NEK8: variants seen among roughly 807,000 people sequenced by gnomAD.
NEK8 encodes NIMA related kinase 8.
In NEK8, 51 loss-of-function variants were observed where a neutral mutation model predicts 77.2. The ratio of observed to expected loss-of-function variants is 0.66; its 90% CI spans 0.53 to 0.83. The LOEUF (loss-of-function observed/expected upper bound fraction) is 0.83, where lower values mean the gene tolerates loss of function less well. NEK8 is among the 40% of genes least tolerant of loss of function. NEK8 has a pLI of 0.00. For missense variants in NEK8, 787 were observed against 909.2 expected (o/e 0.87, Z 1.73); for synonymous variants, 365 against 363.2 (o/e 1.00, Z -0.06).
rs762225317 is a variant in NEK8 at position 28,738,021 on chromosome 17, C to G, written c.1071+21C>G. The G allele has an allele frequency of 1.2e-6, 2 of 1,612,572 alleles. No individual in the cohort carries two copies. The highest frequency in any genetic ancestry group is 1.7e-6 in the Non-Finnish European group (2 of 1,179,686). On this transcript the variant is annotated intron_variant, in intron 7 of 14. Transcript: ENST00000268766. ...GGGAGGTGAGCAGGCCAGGGGGTGG[C>G]CTGGATGGGTGGAGGTGGAGGTCCA...
At chr17:28,736,129 T>C (rs187676399) in intron 4 of NEK8, among the ~76,000 whole-genome samples, 21 of 152,344 alleles carry the variant, frequency 1.4e-4, no homozygotes, top group African/African-American at 5.1e-4. Flanking sequence ...GGCTGCATAG[T>C]TTTCCATGGT....
chr17:28,734,093 A>G lies in NEK8; in HGVS notation c.158A>G (p.Gln53Arg). 6.2e-7 allele frequency: 1 copy of G among 1,614,054 alleles called. No homozygotes were observed. Among genetic ancestry groups the G allele is most frequent in the East Asian group, 2.2e-5 (1 of 44,872 alleles). Reference sequence around the variant, plus strand: ...CGGCAGGCAGCCCAGAATGAGTGCCAGGTCCTCAAGCTGCTCAACCACCCC... The same window carrying G: ...CGGCAGGCAGCCCAGAATGAGTGCCGGGTCCTCAAGCTGCTCAACCACCCC... ...EERQAAQNEC[Q>R]VLKLLNHPNV... Residue 53 changes from glutamine (Q) to arginine (R), a missense_variant, in exon 2 of 15, where the codon CAG (glutamine) becomes CGG (arginine). Gln to Arg is a conservative substitution (Grantham distance 43, BLOSUM62 1). Around this residue, in one of 2 missense-constraint regions of NEK8, gnomAD observed 271 missense variants for 365.1 expected, o/e 0.74. Transcript: ENST00000268766.
intron 3 of NEK8, 67 bp from the exon 4 acceptor site, chr17:28,735,173 G>A: frequency 6.2e-7 from 1 of 1,604,260 alleles, no homozygotes; most frequent in East Asian, 2.2e-5. Context: ...GTCCCCAAAT[G>A]GGCTTATGCA....
intron 4 of NEK8, among the ~76,000 whole-genome samples, chr17:28,735,955 T>A (rs1160919578): frequency 8.3e-6 from 1 of 120,712 alleles, no homozygotes; most frequent in Non-Finnish European, 1.6e-5. Context: ...GGCCCCGGTG[T>A]GTGATGTTCC....
chr17:28,738,314 C>T, intron 8 of NEK8, 69 bp downstream of exon 8: 1 of 1,548,072 alleles, frequency 6.5e-7, no homozygotes, highest in Non-Finnish European at 8.9e-7. Flanking sequence ...TCTTCTCTTG[C>T]AAAACACGCA....
chr17:28,729,140 G>T (rs1302801212), intron 1 of NEK8, among the ~76,000 whole-genome samples: 1 of 152,264 alleles, frequency 6.6e-6, no homozygotes. Context: ...GGCTTTGGCC[G>T]CTGGGTATAT....
intron 1 of NEK8, among the ~76,000 whole-genome samples, chr17:28,731,987 G>A (rs937773464): frequency 1.6e-5 from 2 of 126,466 alleles, no homozygotes; most frequent in Admixed American, 9.6e-5. Flanking sequence ...CTGGACTGCA[G>A]TGGCGCAATC....
chr17:28,740,954 C>T lies in NEK8; in HGVS notation c.1701C>T (p.Asp567=), dbSNP rs775047776. 3.5e-5 allele frequency: 57 copies of T among 1,614,016 alleles called. No homozygotes were observed. Among genetic ancestry groups the T allele is most frequent in the Non-Finnish European group, 3.1e-5 (37 of 1,180,026 alleles). ...ACCAGGAGCCTCTGCTGAGTATAGA[C>T]CTGGGCACTGCTCACTCAGCTGCTG... is the stretch of plus-strand genomic sequence containing the variant. ...PLDQEPLLSI[D]LGTAHSAAVT... The change falls in exon 12 of 15, where the codon GAC becomes GAT. Residue 567 remains aspartate (D), a synonymous_variant. Transcript: ENST00000268766. The surrounding 1 kb of genome is among the most constrained non-coding windows in gnomAD (Gnocchi z 4.7).
Position 28,742,052 on chromosome 17 carries a change from A to G in NEK8, c.*65A>G. 6.8e-7 allele frequency: 1 copy of G among 1,476,298 alleles called. No homozygotes were observed. The highest frequency in any genetic ancestry group is 1.1e-5 in the South Asian group (1 of 88,454). The allele number at this position is 1,476,298 out of a possible 1,614,324, so 91.4% of individuals were successfully genotyped here. A position where few individuals can be genotyped will look rare whatever the true frequency, so the allele number is the denominator to read the frequency against. ...CTCCTCTGAATGCTCTGAAAAGTGC[A>G]GGTGCCCAAGGCATGACTTGCAGCT... On this transcript the variant is annotated 3_prime_UTR_variant, in exon 15 of 15. Coordinates refer to ENST00000268766, the MANE Select transcript of NEK8 (RefSeq NM_178170.3).
At chr17:28,735,517 C>T (rs2034355812) in intron 4 of NEK8, 146 bp downstream of exon 4, 1 of 898,302 alleles carries the variant, frequency 1.1e-6, no homozygotes, top group Non-Finnish European at 1.7e-6. Flanking sequence ...ATGGGTGTCC[C>T]TCAGACTATG....
At chr17:28,739,020 G>T (rs1217002123) in intron 9 of NEK8, 64 bp from the exon 10 acceptor site, 1 of 1,170,382 alleles carries the variant, frequency 8.5e-7, no homozygotes, top group Non-Finnish European at 1.3e-6. Flanking sequence ...CCCTACAGGG[G>T]GTGTTGAAGC....
At chr17:28,736,043 T>C (rs1188537704) in intron 4 of NEK8, among the ~76,000 whole-genome samples, 2 of 151,774 alleles carry the variant, frequency 1.3e-5, no homozygotes, top group Non-Finnish European at 2.9e-5. Context: ...TTTTTGTCCT[T>C]GCGATAGTTT....
Position 28,734,911 on chromosome 17 carries a change from C to T in NEK8, c.393C>T (p.Thr131=). 6.2e-7 allele frequency: 1 copy of T among 1,613,838 alleles called. No individual in the cohort carries two copies. The highest frequency in any genetic ancestry group is 8.5e-7 in the Non-Finnish European group (1 of 1,180,010). ...THLILHRDLK[T]QNILLDKHRM... ...TCATCCTGCACCGAGACCTCAAGAC[C>T]CAGAACATCCTGCTTGACAAACACC... The change falls in exon 3 of 15, where the codon ACC becomes ACT. Residue 131 remains threonine, a synonymous_variant. Coordinates refer to ENST00000268766, the MANE Select transcript of NEK8 (RefSeq NM_178170.3).
At position 28,740,403 on chromosome 17, in the gene NEK8, T is replaced by C; in HGVS notation, c.1418-60T>C. ...GTTCCCTCCCCTCAGTGGGCCCTCC[T>C]CATTCGGGCATCACCCCCACTAAAG... On this transcript the variant is annotated intron_variant, in intron 10 of 14. Transcript: ENST00000268766. This position sits in a 1 kb window ranked among gnomAD's most constrained non-coding sequence, Gnocchi z 4.7. The C allele has an allele frequency of 6.7e-7, 1 of 1,501,958 alleles. No homozygotes were observed. The allele number at this position is 1,501,958 out of a possible 1,614,324, so 93.0% of individuals were successfully genotyped here.
chr17:28,738,826 G>A (rs1164162170), intron 9 of NEK8, 79 bp downstream of exon 9: 1 of 1,187,826 alleles, frequency 8.4e-7, no homozygotes, highest in African/African-American at 1.5e-5. Flanking sequence ...CACCAGATTG[G>A]GGGCAGGGGA....
rs908793717 is a variant in NEK8, at chr17:28,737,586, G to C, written c.827+72G>C. 2.6e-5 allele frequency: 42 copies of C among 1,613,460 alleles called. No homozygotes were observed. Among genetic ancestry groups the C allele is most frequent in the Non-Finnish European group, 3.5e-5 (41 of 1,179,728 alleles). On this transcript the variant is annotated intron_variant, in intron 5 of 14. Transcript: ENST00000268766. The surrounding 1 kb of genome is among the most constrained non-coding windows in gnomAD (Gnocchi z 4.8). ...CCCAGTGGGAGCACAGGAGGTCTGA[G>C]GCAGAGGGAAACCTGGGGCAAGTCC...
At chr17:28,733,844 G>T in intron 1 of NEK8, 139 bp from the exon 2 acceptor site, 1 of 729,480 alleles carries the variant, frequency 1.4e-6, no homozygotes, top group Non-Finnish European at 2.4e-6. Flanking sequence ...CCCAAGTTCA[G>T]TGTTCTGTGC....
Position 28,734,472 on chromosome 17 carries a change from G to A in NEK8, c.253+284G>A, listed in dbSNP as rs553832604. ...GGGCGGATCATGAGGTCAGGAGATC[G>A]AGACCATCCTGTTTAACACGGGGAA... On this transcript the variant is annotated intron_variant, in intron 2 of 14. Coordinates refer to ENST00000268766, the MANE Select transcript of NEK8 (RefSeq NM_178170.3). 1.8e-4 allele frequency: 100 copies of A among 561,122 alleles called. No homozygotes were observed. The East Asian group carries it at 2.0e-3, about 11-fold the overall frequency. 34.8% of individuals were successfully genotyped at this position (561,122 alleles called of 1,614,324 possible).
Position 28,742,726 on chromosome 17 carries a change from G to C in NEK8, c.*739G>C, listed in dbSNP as rs1461255466. On this transcript the variant is annotated 3_prime_UTR_variant, in exon 15 of 15. Transcript: ENST00000268766. ...GATCCCTTGTGGCCAGGAGTTGGGA[G>C]ACCAGCCTGGGGACCATAGCGAGAC... 2 of 150,700 alleles carry C rather than the reference G, an allele frequency of 1.3e-5. No homozygotes were observed. Among genetic ancestry groups the C allele is most frequent in the African/African-American group, 4.9e-5 (2 of 40,766 alleles). 9.3% of individuals were successfully genotyped at this position (150,700 alleles called of 1,614,324 possible).
Sources: gnomAD v4.1 joint callset for allele counts (sites outside exome capture counted in the v4.1 genomes callset) on GRCh38, gnomAD v4.1.1 for gene constraint, gnomAD v4.1.1 regional missense constraint, Gnocchi (gnomAD v3.1) non-coding constraint, MANE v1.5 for transcripts, NCBI Gene and HGNC (gene_info 2026-07-23, HGNC 2026-07-21) for gene names.